The following CATSPERT variants were observed in gnomAD, a reference collection of about 807,000 sequenced individuals.
The protein encoded by CATSPERT is catsper channel auxiliary subunit tau.
the CATSPERT span, chr2:201,555,363 A>C: frequency 6.6e-6 from 1 of 152,120 alleles, no homozygotes; most frequent in Non-Finnish European, 1.5e-5. Flanking sequence ...AAAAATACAA[A>C]AATTAGCCAG....
chr2:201,556,330 A>G, the CATSPERT span, among the ~76,000 whole-genome samples: 1 of 152,002 alleles, frequency 6.6e-6, no homozygotes, highest in Non-Finnish European at 1.5e-5. Context: ...TAACACGGTG[A>G]AACCCCGTCT....
the CATSPERT span, among the ~76,000 whole-genome samples, chr2:201,615,726 T>G: frequency 6.6e-6 from 1 of 151,732 alleles, no homozygotes; most frequent in East Asian, 1.9e-4. Context: ...CGGAAGGAGA[T>G]AGAGACACAA....
the CATSPERT span, chr2:201,492,147 C>T: frequency 6.6e-6 from 10 of 1,525,888 alleles, no homozygotes; most frequent in South Asian, 1.2e-5. Flanking sequence ...CCTCAGAAAC[C>T]GTTTGTAAAG....
the CATSPERT span, chr2:201,565,705 A>AATTTTTT: frequency 1.5e-6 from 2 of 1,344,888 alleles, no homozygotes; most frequent in African/African-American, 1.6e-5. Flanking sequence ...GCTCTTTTGA[A>AATTTTTT]TTTTTTTTTT....
chr2:201,574,782 C>T, the CATSPERT span, among the ~76,000 whole-genome samples: 2 of 151,906 alleles, frequency 1.3e-5, no homozygotes, highest in East Asian at 1.9e-4. Context: ...ATGTTCCTAG[C>T]CCCTGTTTTG....
chr2:201,487,601 G>A, the CATSPERT span: 2 of 1,606,280 alleles, frequency 1.2e-6, no homozygotes, highest in East Asian at 2.2e-5. Context: ...TCACAAATGA[G>A]CGAACATTTT....
chr2:201,613,742 A>C, the CATSPERT span, among the ~76,000 whole-genome samples: 1 of 152,180 alleles, frequency 6.6e-6, no homozygotes, highest in South Asian at 2.1e-4. Flanking sequence ...TCAGATTATC[A>C]GTAATAACAA....
the CATSPERT span, among the ~76,000 whole-genome samples, chr2:201,572,723 T>C: frequency 1.3e-5 from 2 of 151,626 alleles, no homozygotes; most frequent in African/African-American, 4.9e-5. Flanking sequence ...CAATAAGAAA[T>C]TTAAAAAATA....
At chr2:201,581,546 G>GTATATA in the CATSPERT span, among the ~76,000 whole-genome samples, 7 of 14,724 alleles carry the variant, frequency 4.8e-4, no homozygotes, top group Non-Finnish European at 7.1e-4. Flanking sequence ...AAAAAAATGT[G>GTATATA]TGTATATATA....
the CATSPERT span, among the ~76,000 whole-genome samples, chr2:201,609,544 G>C: frequency 2.6e-5 from 4 of 152,144 alleles, no homozygotes; most frequent in Non-Finnish European, 4.4e-5. Flanking sequence ...GGGAACTTTG[G>C]AAACTGTACA....
At chr2:201,563,349 G>A in the CATSPERT span, among the ~76,000 whole-genome samples, 14 of 131,650 alleles carry the variant, frequency 1.1e-4, no homozygotes, top group East Asian at 2.2e-4. Context: ...CGGACTGGGC[G>A]GCTGGCCGGG....
chr2:201,492,777 T>C, the CATSPERT span: 1 of 1,536,384 alleles, frequency 6.5e-7, no homozygotes, highest in Non-Finnish European at 8.7e-7. Flanking sequence ...TCTGCTCTGC[T>C]TTCTCATTCA....
the CATSPERT span, chr2:201,487,814 T>C: frequency 3.7e-6 from 6 of 1,614,180 alleles, no homozygotes; most frequent in South Asian, 6.6e-5. Flanking sequence ...ATCTGAGCTT[T>C]TTCCTAAAAG....
At chr2:201,597,797 C>G in the CATSPERT span, among the ~76,000 whole-genome samples, 3 of 152,158 alleles carry the variant, frequency 2.0e-5, no homozygotes, top group Non-Finnish European at 4.4e-5. Context: ...TCCACTACTA[C>G]TCATTCTTCA....
At chr2:201,506,033 C>G in the CATSPERT span, among the ~76,000 whole-genome samples, 1 of 152,232 alleles carries the variant, frequency 6.6e-6, no homozygotes, top group East Asian at 1.9e-4. Flanking sequence ...TTTGGGAGGC[C>G]GAGGCTGGTG....
the CATSPERT span, among the ~76,000 whole-genome samples, chr2:201,521,373 G>C: frequency 2.0e-5 from 3 of 151,956 alleles, no homozygotes; most frequent in Non-Finnish European, 4.4e-5. Flanking sequence ...TACAATCATG[G>C]CAAAAGGTGA....
At chr2:201,518,179 C>T in the CATSPERT span, among the ~76,000 whole-genome samples, 8 of 152,298 alleles carry the variant, frequency 5.3e-5, no homozygotes, top group East Asian at 5.8e-4. Context: ...GCCCAGAGCC[C>T]GTCAAGGTGC....
the CATSPERT span, chr2:201,494,746 T>C: frequency 2.2e-5 from 33 of 1,498,944 alleles, no homozygotes; most frequent in Non-Finnish European, 2.7e-5. Context: ...ACCGTTCTTG[T>C]TGAATTTCTG....
chr2:201,591,847 CTT>C, the CATSPERT span, among the ~76,000 whole-genome samples: 1 of 151,858 alleles, frequency 6.6e-6, no homozygotes, highest in Admixed American at 6.6e-5. Flanking sequence ...TATCCTGAGA[CTT>C]TGCTGAAGTT....
Sources: allele counts gnomAD v4.1 joint callset (sites outside exome capture counted in the v4.1 genomes callset), GRCh38; gene constraint gnomAD v4.1.1; transcripts MANE v1.5; gene names NCBI Gene and HGNC (gene_info 2026-07-23, HGNC 2026-07-21).